GLMN: variants seen among roughly 807,000 people sequenced by gnomAD.
The protein encoded by GLMN is glomulin.
In GLMN, 75 loss-of-function variants were observed where a neutral mutation model predicts 87.8. The observed-to-expected ratio is 0.85, with a 90% CI of 0.71 to 1.04. The LOEUF (loss-of-function observed/expected upper bound fraction) is 1.04. Ranked by LOEUF, GLMN falls within the 50% of genes least tolerant of loss-of-function variation. The pLI is 0.00. For synonymous variants in GLMN, 206 were observed against 221.6 expected, an observed-to-expected ratio of 0.93 and a Z score of 0.63; for missense variants, 588 against 658.8, an observed-to-expected ratio of 0.89 and a Z score of 1.18.
At chr1:92,269,378 T>G (rs185677148) in intron 9 of GLMN, among the ~76,000 whole-genome samples, 9 of 152,246 alleles carry the variant, frequency 5.9e-5, no homozygotes, top group African/African-American at 2.2e-4. Context: ...CGGAAGAACT[T>G]CTTTTATTGA....
chr1:92,302,766 A>AT (rs1332048150), upstream of GLMN, among the ~76,000 whole-genome samples: 1 of 151,390 alleles, frequency 6.6e-6, no homozygotes. Context: ...CGCCCGGCTA[A>AT]TTTTTTTGTA....
intron 16 of GLMN, among the ~76,000 whole-genome samples, chr1:92,254,928 G>A (rs999600670): frequency 6.6e-6 from 1 of 152,130 alleles, no homozygotes; most frequent in African/African-American, 2.4e-5. Context: ...AAATGTAAAT[G>A]GGCTAAATGC....
At chr1:92,335,746 A>G in the GLMN span, among the ~76,000 whole-genome samples, 1 of 152,210 alleles carries the variant, frequency 6.6e-6, no homozygotes, top group Non-Finnish European at 1.5e-5. Flanking sequence ...ATTCTATTAA[A>G]TGGGTATAGC....
At chr1:92,318,503 C>T in the GLMN span, among the ~76,000 whole-genome samples, 4 of 152,038 alleles carry the variant, frequency 2.6e-5, no homozygotes, top group African/African-American at 9.7e-5. Flanking sequence ...TTCTTTCTTA[C>T]TGACTATAGA....
At chr1:92,313,443 C>CTTT in the GLMN span, among the ~76,000 whole-genome samples, 5 of 145,034 alleles carry the variant, frequency 3.4e-5, no homozygotes, top group Admixed American at 6.9e-5. Context: ...GGAAAGGAAT[C>CTTT]TTTTTTTTTT....
chr1:92,356,598 T>TG, the GLMN span, among the ~76,000 whole-genome samples: 1 of 150,468 alleles, frequency 6.6e-6, no homozygotes, highest in African/African-American at 2.4e-5. Flanking sequence ...TTTTTTTTTT[T>TG]TTTTTTCTGT....
chr1:92,263,501 A>G (rs937316349), intron 15 of GLMN, 122 bp downstream of exon 15: 21 of 728,588 alleles, frequency 2.9e-5, no homozygotes, highest in Non-Finnish European at 4.5e-5. Flanking sequence ...ATGTAACTTA[A>G]TGAATTAGCC....
rs764030561 is a variant in GLMN at position 92,289,100 on chromosome 1, G to A, written c.446C>T (p.Thr149Ile). The change falls in exon 6 of 19, where the codon ACC (threonine) becomes ATC (isoleucine). Residue 149 changes from threonine (T) to isoleucine (I), a missense_variant. Thr to Ile is a moderately conservative substitution (Grantham distance 89). Coordinates refer to ENST00000370360, the MANE Select transcript of GLMN (RefSeq NM_053274.3). ...AAGAAGAGATAGCTGATTCCAAAGG[G>A]TAGACAATGCTAATCCAATTGAATA... is the stretch of plus-strand genomic sequence containing the variant. Reference protein sequence around the residue: ...KAYSIGLALSTLWNQLSLLPV... With the variant: ...KAYSIGLALSILWNQLSLLPV... 3.1e-6 allele frequency: 5 copies of A among 1,611,336 alleles called. No individual in the cohort carries two copies. Among genetic ancestry groups the A allele is most frequent in the Non-Finnish European group, 2.5e-6 (3 of 1,177,544 alleles).
Position 92,253,537 on chromosome 1 carries a change from G to A in GLMN, c.1474-5548C>T, listed in dbSNP as rs543775845. 7.8e-4 allele frequency among the ~76,000 whole-genome samples: 119 copies of A among 152,294 alleles called. 1 individual carries two copies. In the Middle Eastern group the frequency reaches 0.017, roughly 22 times the overall value. ...AGGAGAGCTCCGGCTGGCATCTGGC[G>A]GGTGCCCCTCTGGGATGAAGCTTCC... On this transcript the variant is annotated intron_variant, in intron 16 of 18. Coordinates refer to ENST00000370360, the MANE Select transcript of GLMN (RefSeq NM_053274.3).
upstream of GLMN, chr1:92,299,058 C>T: frequency 6.9e-7 from 1 of 1,449,468 alleles, no homozygotes; most frequent in Non-Finnish European, 9.2e-7. Flanking sequence ...CCCCGTCCGG[C>T]AGACTACTCT....
chr1:92,339,511 C>T, the GLMN span, among the ~76,000 whole-genome samples: 1 of 152,096 alleles, frequency 6.6e-6, no homozygotes, highest in Non-Finnish European at 1.5e-5. Flanking sequence ...CTGACCTTCC[C>T]AGTCCCTTGG....
chr1:92,305,510 T>G, the GLMN span, among the ~76,000 whole-genome samples: 4 of 140,136 alleles, frequency 2.9e-5, no homozygotes, highest in African/African-American at 1.1e-4. Flanking sequence ...AGATGGAAAA[T>G]TATAGGCCAA....
At chr1:92,316,227 C>T in the GLMN span, among the ~76,000 whole-genome samples, 40 of 152,246 alleles carry the variant, frequency 2.6e-4, no homozygotes, top group African/African-American at 8.4e-4. Context: ...GGATTTCACA[C>T]GTTGCTTCTT....
the GLMN span, among the ~76,000 whole-genome samples, chr1:92,338,473 T>A: frequency 6.6e-6 from 1 of 152,158 alleles, no homozygotes; most frequent in African/African-American, 2.4e-5. Context: ...CAAAAGGAGA[T>A]AAAAAGTATT....
chr1:92,365,237 C>T, the GLMN span, among the ~76,000 whole-genome samples: 1 of 152,248 alleles, frequency 6.6e-6, no homozygotes, highest in Non-Finnish European at 1.5e-5. Context: ...ATATAAAAAT[C>T]TCATTTTCTT....
At position 92,291,550 on chromosome 1, in the gene GLMN, T is replaced by G; in HGVS notation, c.166-13A>C. 1 of 1,613,430 alleles carries G rather than the reference T, an allele frequency of 6.2e-7. No individual in the cohort carries two copies. The highest frequency in any genetic ancestry group is 1.3e-5 in the African/African-American group (1 of 74,992). ...TCTTGATGATGACCTGTAAAAACAT[T>G]TTCAGAGTAAAGCAAACACTGCCAT... On this transcript the variant is annotated splice_polypyrimidine_tract_variant and intron_variant, in intron 3 of 18. Transcript: ENST00000370360.
intron 16 of GLMN, among the ~76,000 whole-genome samples, chr1:92,262,241 GGT>G (rs1655143008): frequency 6.6e-6 from 1 of 152,058 alleles, no homozygotes; most frequent in African/African-American, 2.4e-5. Context: ...AGCTAATAGA[GGT>G]GACACATATA....
At chr1:92,307,514 C>CTT in the GLMN span, among the ~76,000 whole-genome samples, 2 of 152,144 alleles carry the variant, frequency 1.3e-5, no homozygotes, top group Non-Finnish European at 2.9e-5. Flanking sequence ...AAAATCAGAA[C>CTT]TTTAACTCCA....
the GLMN span, among the ~76,000 whole-genome samples, chr1:92,315,052 A>G: frequency 6.6e-6 from 1 of 152,180 alleles, no homozygotes; most frequent in Non-Finnish European, 1.5e-5. Context: ...TCAAAATCAT[A>G]AATAAATAAA....
Sources: gnomAD v4.1 joint callset for allele counts (sites outside exome capture counted in the v4.1 genomes callset) on GRCh38, gnomAD v4.1.1 for gene constraint, MANE v1.5 for transcripts, NCBI Gene and HGNC (gene_info 2026-07-23, HGNC 2026-07-21) for gene names.